Variants in P2RX4 observed in about 807,000 individuals in gnomAD.
The protein encoded by P2RX4 is purinergic receptor P2X 4, also known as P2X purinoceptor 4.
Under a neutral mutation model 48.0 loss-of-function variants are expected in P2RX4, and 37 were observed. The ratio of observed to expected loss-of-function variants is 0.77; its 90% confidence interval spans 0.59 to 1.01. The LOEUF is 1.01. P2RX4 is among the 50% of genes least tolerant of loss of function. P2RX4 has a pLI of 0.00. For missense variants in P2RX4, 501 were observed against 521.4 expected (o/e 0.96, Z 0.38); for synonymous variants, 200 against 199.7 (o/e 1.00, Z -0.01).
At chr12:121,213,287 G>T (rs1886009555) in intron 1 of P2RX4, 1 of 152,052 alleles carries the variant, frequency 6.6e-6, no homozygotes, top group African/African-American at 2.4e-5. Flanking sequence ...AATTAGCCTG[G>T]CATGGTGGCA....
chr12:121,228,656 A>G, intron 6 of P2RX4, 43 bp downstream of exon 6: 1 of 1,612,486 alleles, frequency 6.2e-7, no homozygotes, highest in Non-Finnish European at 8.5e-7. Flanking sequence ...GGTCTTGGAG[A>G]AACTTCTGGC....
rs1194762729 is a variant in P2RX4 at position 121,229,829 on chromosome 12, T to C, written c.884+730T>C. Among the ~76,000 whole-genome samples, 1 of 152,226 alleles carries C rather than the reference T, an allele frequency of 6.6e-6. No individual in the cohort carries two copies. Among genetic ancestry groups the C allele is most frequent in the Admixed American group, 6.5e-5 (1 of 15,282 alleles). ...ACTCCAGTCTCTGCCTCTCCTGTCA[T>C]GAGGCCTTCTGCCTTGTATGTGTCT... On this transcript the variant is annotated intron_variant, in intron 8 of 11. Coordinates refer to ENST00000337233, the MANE Select transcript of P2RX4 (RefSeq NM_002560.3). The surrounding 1 kb of genome is among the most constrained non-coding windows in gnomAD (Gnocchi z 4.6).
chr12:121,233,498 G>GT (rs1887507231), intron 11 of P2RX4, 25 bp from the exon 12 acceptor site: 1 of 1,602,192 alleles, frequency 6.2e-7, no homozygotes, highest in Admixed American at 1.7e-5. Context: ...GGGGCACCTT[G>GT]ATCTGCTTGT....
At chr12:121,210,339 C>CT (rs947328752) in intron 1 of P2RX4, 41 bp downstream of exon 1, 15 of 1,461,784 alleles carry the variant, frequency 1.0e-5, no homozygotes, top group Non-Finnish European at 1.4e-5. Flanking sequence ...GGGTGCTGCC[C>CT]TCGCGTCCGC....
intron 8 of P2RX4, among the ~76,000 whole-genome samples, chr12:121,231,570 G>A (rs1213659072): frequency 6.6e-6 from 1 of 152,022 alleles, no homozygotes; most frequent in East Asian, 1.9e-4. Flanking sequence ...CTTCCCCTTA[G>A]CCTGATGTTT....
At chr12:121,220,159 C>T (rs147188651) in intron 2 of P2RX4, among the ~76,000 whole-genome samples, 13 of 152,264 alleles carry the variant, frequency 8.5e-5, no homozygotes, top group Admixed American at 7.9e-4. Flanking sequence ...GAAAGAAAAC[C>T]AGCCAGATTT....
chr12:121,210,919 C>T (rs1463018306), intron 1 of P2RX4, among the ~76,000 whole-genome samples: 1 of 152,216 alleles, frequency 6.6e-6, no homozygotes, highest in Non-Finnish European at 1.5e-5. Context: ...GATTTGCTGA[C>T]AAAACCAAAG....
At chr12:121,227,673 C>T (rs1267008796) in intron 5 of P2RX4, among the ~76,000 whole-genome samples, 1 of 152,166 alleles carries the variant, frequency 6.6e-6, no homozygotes, top group Non-Finnish European at 1.5e-5. Flanking sequence ...ACCTGGAAGG[C>T]TCGGCTCAGT....
At position 121,229,110 on chromosome 12, in the gene P2RX4, G is replaced by C; in HGVS notation, c.884+11G>C. ...TGGCTACAATTTCAGGTGGGCGTGAGCTTGGGCCCCTCGCTCATGTTGTAG... is the reference window on the plus strand; with the variant it reads ...TGGCTACAATTTCAGGTGGGCGTGACCTTGGGCCCCTCGCTCATGTTGTAG... On this transcript the variant is annotated intron_variant, in intron 8 of 11. Transcript: ENST00000337233. The surrounding 1 kb of genome is among the most constrained non-coding windows in gnomAD (Gnocchi z 4.6). 1 of 1,614,068 alleles carries C rather than the reference G, an allele frequency of 6.2e-7. No individual in the cohort carries two copies. The highest frequency in any genetic ancestry group is 8.5e-7 in the Non-Finnish European group (1 of 1,180,016).
intron 5 of P2RX4, among the ~76,000 whole-genome samples, chr12:121,227,552 C>T (rs1887050654): frequency 6.6e-6 from 1 of 152,196 alleles, no homozygotes; most frequent in Non-Finnish European, 1.5e-5. Flanking sequence ...ACGCCTGCGG[C>T]CCCAAAGCCA....
Position 121,222,121 on chromosome 12 carries a change from T to C in P2RX4, c.382T>C (p.Ser128Pro). ...EIPDATTVCK[S>P]DASCTAGSAG... is the part of the protein sequence containing the mutation. The stretch of plus-strand genomic sequence containing the variant: ...TCCAGATGCGACCACTGTGTGTAAA[T>C]CAGATGCCAGCTGTACTGCCGGCTC... Residue 128 changes from serine to proline, a missense_variant, in exon 4 of 12, where the codon TCA (serine) becomes CCA (proline). Ser to Pro is a moderately conservative substitution (Grantham distance 74). Transcript: ENST00000337233. 6.2e-7 allele frequency: 1 copy of C among 1,611,472 alleles called. No individual in the cohort carries two copies. The highest frequency in any genetic ancestry group is 1.7e-5 in the Admixed American group (1 of 60,012).
chr12:121,223,394 C>A, intron 5 of P2RX4: 1 of 328,744 alleles, frequency 3.0e-6, no homozygotes, highest in Non-Finnish European at 5.9e-6. Context: ...CCACACCCAG[C>A]CGGAAGCACC....
chr12:121,221,587 GT>G (rs1213201838), intron 2 of P2RX4, among the ~76,000 whole-genome samples: 1 of 151,412 alleles, frequency 6.6e-6, no homozygotes, highest in Admixed American at 6.6e-5. Flanking sequence ...AGAGACGGGG[GT>G]TTCACTGTGT....
intron 2 of P2RX4, among the ~76,000 whole-genome samples, chr12:121,221,198 T>TGTGTGTGTGTG (rs1566003252): frequency 1.2e-4 from 10 of 84,348 alleles, no homozygotes; most frequent in East Asian, 8.3e-4. Context: ...GTGTGTGTGT[T>TGTGTGTGTGTG]TTTAGTACAA....
At chr12:121,230,123 C>A (rs868203469) in intron 8 of P2RX4, among the ~76,000 whole-genome samples, 1 of 152,230 alleles carries the variant, frequency 6.6e-6, no homozygotes, top group Non-Finnish European at 1.5e-5. Context: ...GCGCTCCAGG[C>A]CGGGCGCAGT....
chr12:121,223,521 C>G (rs1886781682), intron 5 of P2RX4: 1 of 170,436 alleles, frequency 5.9e-6, no homozygotes, highest in African/African-American at 2.4e-5. Flanking sequence ...GATGGCTGCT[C>G]TCAACCACAA....
intron 8 of P2RX4, among the ~76,000 whole-genome samples, chr12:121,230,990 T>C (rs1003150667): frequency 7.3e-6 from 1 of 136,084 alleles, no homozygotes; most frequent in African/African-American, 2.6e-5. Context: ...ATATTTTTTT[T>C]TTTTTCTTCT....
chr12:121,233,225 G>A (rs112243668), intron 11 of P2RX4, 133 bp downstream of exon 11: 21 of 682,674 alleles, frequency 3.1e-5, no homozygotes, highest in African/African-American at 7.2e-5. Flanking sequence ...CCGTTAACCC[G>A]GGCAGTCCTG....
chr12:121,233,419 C>T lies in P2RX4; in HGVS notation c.1141-104C>T, dbSNP rs370687418. ...AAGGGTTGGGTTCCAGGCCTGGGAC[C>T]AACTTGAGAACCCCTGGCGGTGAAG... On this transcript the variant is annotated intron_variant, in intron 11 of 11. Transcript: ENST00000337233. The T allele has an allele frequency of 3.1e-6, 4 of 1,282,878 alleles. No individual in the cohort carries two copies. In the East Asian group the frequency reaches 7.5e-5, roughly 24 times the overall value. The allele number at this position is 1,282,878 out of a possible 1,614,324, so 79.5% of individuals were successfully genotyped here.
Sources: allele counts gnomAD v4.1 joint callset (sites outside exome capture counted in the v4.1 genomes callset), GRCh38; gene constraint gnomAD v4.1.1; non-coding constraint Gnocchi (gnomAD v3.1); transcripts MANE v1.5; gene names NCBI Gene and HGNC (gene_info 2026-07-23, HGNC 2026-07-21).